DLGAP2: variants seen among roughly 807,000 people sequenced by gnomAD.
DLGAP2 encodes disks large-associated protein 2.
In DLGAP2, 26 loss-of-function variants were observed where a neutral mutation model predicts 100.3. The ratio of observed to expected loss-of-function variants is 0.26; its 90% CI spans 0.19 to 0.36. The LOEUF (loss-of-function observed/expected upper bound fraction) is 0.36, where lower values mean the gene tolerates loss of function less well. DLGAP2 is among the 10% of genes least tolerant of loss of function. DLGAP2 has a pLI of 1.00. For missense variants in DLGAP2, 1,858 were observed against 1,453.2 expected (o/e 1.28, Z -4.53); for synonymous variants, 886 against 630.1 (o/e 1.41, Z -6.08).
intron 3 of DLGAP2, among the ~76,000 whole-genome samples, chr8:1,473,022 C>G (rs1461539902): frequency 1.3e-5 from 2 of 152,148 alleles, no homozygotes; most frequent in African/African-American, 4.8e-5. Context: ...CCTCCGCCTC[C>G]CAGGTTCAAG....
chr8:764,881 G>T (rs1821172353), intron 1 of DLGAP2, among the ~76,000 whole-genome samples: 2 of 152,286 alleles, frequency 1.3e-5, no homozygotes, highest in South Asian at 4.1e-4. Flanking sequence ...TATAAATCCA[G>T]ATGTTTCATA....
chr8:1,107,792 C>G (rs1003955895), intron 2 of DLGAP2, among the ~76,000 whole-genome samples: 2 of 152,188 alleles, frequency 1.3e-5, no homozygotes, highest in Admixed American at 1.3e-4. Context: ...TACGGCCCAT[C>G]CTATGCTGTG....
intron 2 of DLGAP2, among the ~76,000 whole-genome samples, chr8:1,233,249 T>A (rs1239646923): frequency 6.6e-6 from 1 of 152,230 alleles, no homozygotes; most frequent in African/African-American, 2.4e-5. Flanking sequence ...GAGAGGCTGC[T>A]GTGAACATTT....
chr8:1,700,297 T>C (rs1414171126), intron 14 of DLGAP2, among the ~76,000 whole-genome samples: 2 of 152,244 alleles, frequency 1.3e-5, no homozygotes, highest in Admixed American at 1.3e-4. Flanking sequence ...AAAGTGGTTC[T>C]GACGCCTTCT....
intron 3 of DLGAP2, chr8:1,301,398 C>T (rs565736348): frequency 6.1e-4 from 93 of 152,306 alleles, no homozygotes; most frequent in African/African-American, 2.2e-3. Context: ...CTGCTCTCAA[C>T]AGCAACTGAT....
Position 888,416 on chromosome 8 carries a change from C to T in DLGAP2, c.19-19496C>T, listed in dbSNP as rs577319561. On this transcript the variant is annotated intron_variant, in intron 1 of 14. Transcript: ENST00000637795. ...CCACCTGATCCTCCATCCAGTTCTG[C>T]ACGCTGACTTGTGATCATTTGGAGA... is the stretch of plus-strand genomic sequence containing the variant. Among the ~76,000 whole-genome samples the T allele has an allele frequency of 3.9e-5, 6 of 152,202 alleles. No individual in the cohort carries two copies. In the South Asian group the frequency reaches 1.2e-3, roughly 32 times the overall value.
chr8:1,359,084 A>C (rs769939676), intron 3 of DLGAP2, among the ~76,000 whole-genome samples: 1 of 152,152 alleles, frequency 6.6e-6, no homozygotes, highest in Non-Finnish European at 1.5e-5. Context: ...ATTTCTAGCA[A>C]ATTCCCAGGG....
chr8:1,039,290 G>A (rs62488508), intron 2 of DLGAP2, among the ~76,000 whole-genome samples: 10 of 137,264 alleles, frequency 7.3e-5, no homozygotes, highest in African/African-American at 1.4e-4. Flanking sequence ...TTCCATGGTC[G>A]GCTCGGTTTC....
At chr8:814,991 T>A (rs1690331222) in intron 1 of DLGAP2, among the ~76,000 whole-genome samples, 1 of 152,110 alleles carries the variant, frequency 6.6e-6, no homozygotes, top group African/African-American at 2.4e-5. Flanking sequence ...TTTCCTAGTG[T>A]TAAGCATAAA....
chr8:1,166,411 G>T (rs1034915253), intron 2 of DLGAP2, among the ~76,000 whole-genome samples: 10 of 152,300 alleles, frequency 6.6e-5, no homozygotes, highest in African/African-American at 9.6e-5. Flanking sequence ...TTTGACTTCT[G>T]ATAGCTCAAG....
intron 2 of DLGAP2, among the ~76,000 whole-genome samples, chr8:1,204,514 A>G (rs1407724488): frequency 6.6e-6 from 1 of 152,174 alleles, no homozygotes. Context: ...TAGTTTTCAC[A>G]CCTGGTGAAA....
chr8:779,420 C>T (rs947490248), intron 1 of DLGAP2, among the ~76,000 whole-genome samples: 1 of 152,010 alleles, frequency 6.6e-6, no homozygotes, highest in East Asian at 1.9e-4. Flanking sequence ...CAACACAGTT[C>T]AGTCCAGAGC....
At position 1,435,912 on chromosome 8, in the gene DLGAP2, A is replaced by C. The variant is rs562239681; in HGVS notation, c.107-65454A>C. ...TAAAAATTAAAGATTAAAAATAGTA[A>C]AAGGGTTATAGAATAAGAATATAAA... On this transcript the variant is annotated intron_variant, in intron 3 of 14. Transcript: ENST00000637795. 4.6e-5 allele frequency among the ~76,000 whole-genome samples: 7 copies of C among 152,256 alleles called. No homozygotes were observed. The East Asian group carries it at 1.2e-3, about 25-fold the overall frequency.
intron 8 of DLGAP2, among the ~76,000 whole-genome samples, chr8:1,661,595 T>A (rs767810856): frequency 1.3e-5 from 2 of 152,038 alleles, no homozygotes; most frequent in African/African-American, 2.4e-5. Flanking sequence ...ATGAGGGAGC[T>A]GTGAGGAAGA....
intron 2 of DLGAP2, among the ~76,000 whole-genome samples, chr8:1,256,336 TGTGTGTGTCCTCTCCTGCCC>T: frequency 8.1e-6 from 1 of 124,034 alleles, no homozygotes; most frequent in South Asian, 3.1e-4. Flanking sequence ...CTGGGTGCCA[TGTGTGTGTCCTCTCCTGCCC>T]GGGTGCTGTG....
intron 3 of DLGAP2, among the ~76,000 whole-genome samples, chr8:1,299,651 G>T (rs1275687428): frequency 6.6e-6 from 1 of 152,080 alleles, no homozygotes; most frequent in Non-Finnish European, 1.5e-5. Context: ...CAAATTAGAA[G>T]CAATAATGCT....
At chr8:1,027,867 G>A (rs546266618) in intron 2 of DLGAP2, among the ~76,000 whole-genome samples, 6 of 142,752 alleles carry the variant, frequency 4.2e-5, no homozygotes, top group Admixed American at 7.0e-5. Context: ...GGTGTCAGGC[G>A]CCCGTTATTC....
intron 2 of DLGAP2, among the ~76,000 whole-genome samples, chr8:1,195,685 T>C (rs1020542938): frequency 2.0e-5 from 3 of 152,232 alleles, no homozygotes; most frequent in Non-Finnish European, 4.4e-5. Context: ...ATGGACGTCT[T>C]ATCAGGCATT....
rs570270466 is a variant in DLGAP2 at position 1,335,953 on chromosome 8, A to G, written c.106+77070A>G. On this transcript the variant is annotated intron_variant, in intron 3 of 14. Coordinates refer to ENST00000637795, the MANE Select transcript of DLGAP2 (RefSeq NM_001346810.2). ...TGCGCGTGGTGACGCGGGAGGCATC[A>G]GGGCCCATAGAACTGGGGCTTTGTG... Among the ~76,000 whole-genome samples the G allele has an allele frequency of 7.2e-5, 11 of 152,292 alleles. No individual in the cohort carries two copies. In the East Asian group the frequency reaches 1.9e-3, roughly 27 times the overall value.
Sources: allele counts gnomAD v4.1 joint callset (sites outside exome capture counted in the v4.1 genomes callset), GRCh38; gene constraint gnomAD v4.1.1; transcripts MANE v1.5; gene names NCBI Gene and HGNC (gene_info 2026-07-23, HGNC 2026-07-21).